Variants in TMTC2 observed in about 807,000 individuals in gnomAD.
TMTC2 encodes the protein transmembrane O-mannosyltransferase targeting cadherins 2, also known as protein O-mannosyl-transferase TMTC2.
A neutral mutation model predicts 82.4 loss-of-function variants in TMTC2; 43 were observed. The observed-to-expected ratio is 0.52, with a 90% CI of 0.41 to 0.67. TMTC2 has a LOEUF of 0.67. Ranked by LOEUF, TMTC2 falls within the 30% of genes least tolerant of loss-of-function variation. The pLI is 0.00. For synonymous variants in TMTC2, 408 were observed against 381.9 expected (o/e 1.07, Z -0.80); for missense variants, 919 against 1,012.4 (o/e 0.91, Z 1.25).
chr12:82,963,620 A>C (rs943100655), intron 4 of TMTC2, among the ~76,000 whole-genome samples: 1 of 150,412 alleles, frequency 6.6e-6, no homozygotes, highest in African/African-American at 2.4e-5. Context: ...CTTTTTAAAA[A>C]TTTTTTCATC....
intron 1 of TMTC2, among the ~76,000 whole-genome samples, chr12:82,795,529 C>T (rs76879091): frequency 0.019 from 2,927 of 151,980 alleles, 75 homozygotes; most frequent in African/African-American, 0.056. Context: ...TCCAAAATTC[C>T]GGTGTTAACA....
chr12:82,830,179 G>A lies in TMTC2; in HGVS notation c.84-26831G>A, dbSNP rs372476983. ...TTTGTTTGGATTTTAAATGTTAAAT[G>A]CAAAATTGGAAAATTTGAAATGGCA... On this transcript the variant is annotated intron_variant, in intron 1 of 11. Transcript: ENST00000321196. 6.8e-4 allele frequency among the ~76,000 whole-genome samples: 104 copies of A among 152,212 alleles called. 3 individuals are homozygous for A. The South Asian group carries it at 0.021, about 31-fold the overall frequency.
At chr12:82,924,582 G>C (rs760467149) in intron 3 of TMTC2, among the ~76,000 whole-genome samples, 4 of 152,120 alleles carry the variant, frequency 2.6e-5, no homozygotes, top group Non-Finnish European at 5.9e-5. Context: ...TTTTCATTTG[G>C]ATAAAAAGCA....
At chr12:82,818,607 G>A (rs890791162) in intron 1 of TMTC2, among the ~76,000 whole-genome samples, 1 of 152,078 alleles carries the variant, frequency 6.6e-6, no homozygotes, top group Non-Finnish European at 1.5e-5. Context: ...TTTGATTGTG[G>A]ACATGATGAA....
intron 1 of TMTC2, among the ~76,000 whole-genome samples, chr12:82,721,414 TTTTG>T (rs1456536927): frequency 2.0e-5 from 3 of 152,224 alleles, no homozygotes; most frequent in African/African-American, 7.2e-5. Context: ...GTTTTTTTAA[TTTTG>T]TTTTTTTCTT....
intron 2 of TMTC2, among the ~76,000 whole-genome samples, chr12:82,866,966 T>C (rs1871898477): frequency 6.6e-6 from 1 of 152,238 alleles, no homozygotes; most frequent in East Asian, 1.9e-4. Context: ...TAAGTTTTAT[T>C]TTATTTTAAA....
intron 1 of TMTC2, among the ~76,000 whole-genome samples, chr12:82,802,426 A>G (rs1879055405): frequency 6.6e-6 from 1 of 152,180 alleles, no homozygotes; most frequent in Admixed American, 6.5e-5. Context: ...GGGCTCCTCA[A>G]GTGCAACCAG....
intron 11 of TMTC2, among the ~76,000 whole-genome samples, chr12:83,118,831 C>T (rs1884854623): frequency 6.6e-6 from 1 of 152,086 alleles, no homozygotes; most frequent in African/African-American, 2.4e-5. Context: ...TTCAATCTCA[C>T]TGCTTGTTAT....
At chr12:82,906,103 A>C (rs1187339233) in intron 3 of TMTC2, among the ~76,000 whole-genome samples, 1 of 152,186 alleles carries the variant, frequency 6.6e-6, no homozygotes, top group African/African-American at 2.4e-5. Context: ...TGTTGTAGGA[A>C]TATCATTTAG....
At chr12:82,985,858 T>A in intron 7 of TMTC2, 67 bp from the exon 8 acceptor site, 1 of 1,563,718 alleles carries the variant, frequency 6.4e-7, no homozygotes, top group Non-Finnish European at 8.7e-7. Flanking sequence ...ATGATGATGA[T>A]GCTGTTGCAA....
Position 82,707,331 on chromosome 12 carries a change from C to T in TMTC2, c.83+19662C>T, listed in dbSNP as rs577677001. ...TTTCATTCAGATGACCTAATCACCTCCCAGATGCCTCACCTCCAAATACCA... is the reference window on the plus strand; with the variant it reads ...TTTCATTCAGATGACCTAATCACCTTCCAGATGCCTCACCTCCAAATACCA... On this transcript the variant is annotated intron_variant, in intron 1 of 11. Transcript: ENST00000321196. Among the ~76,000 whole-genome samples the T allele has an allele frequency of 9.1e-4, 138 of 152,300 alleles. 1 individual carries two copies. The highest frequency in any genetic ancestry group is 2.8e-3 in the African/African-American group (117 of 41,556).
chr12:82,941,729 A>G (rs1876731141), intron 4 of TMTC2, among the ~76,000 whole-genome samples: 1 of 152,032 alleles, frequency 6.6e-6, no homozygotes, highest in Admixed American at 6.6e-5. Flanking sequence ...ATACCTACTG[A>G]TGTGGGATAA....
At chr12:82,894,557 C>T (rs1053643931) in intron 2 of TMTC2, among the ~76,000 whole-genome samples, 27 of 152,240 alleles carry the variant, frequency 1.8e-4, no homozygotes, top group East Asian at 1.9e-4. Context: ...TTCTATACAA[C>T]GCCAGGATGT....
At chr12:82,755,579 A>T (rs1876265320) in intron 1 of TMTC2, among the ~76,000 whole-genome samples, 1 of 152,144 alleles carries the variant, frequency 6.6e-6, no homozygotes. Context: ...TGTTAGTGGT[A>T]GTTCTTTTGC....
intron 11 of TMTC2, among the ~76,000 whole-genome samples, chr12:83,075,079 C>G (rs186417065): frequency 1.5e-3 from 234 of 152,270 alleles, no homozygotes; most frequent in African/African-American, 5.5e-3. Flanking sequence ...CTGTATTTCA[C>G]TCAGCTCTCT....
In TMTC2 at chr12:82,895,984, T is replaced by TA; in HGVS notation, c.821_822insA (p.Phe274LeufsTer20). ...CTCCTCACCCGCACTCTCACCTTCT[T>TA]CTACTTGCCAACCAAGAACCTCTGG... On this transcript the variant is annotated frameshift_variant, in exon 3 of 12. Transcript: ENST00000321196. LOFTEE classifies it high-confidence loss of function. 6.2e-7 allele frequency: 1 copy of TA among 1,613,868 alleles called. No individual in the cohort carries two copies. Among genetic ancestry groups the TA allele is most frequent in the Non-Finnish European group, 8.5e-7 (1 of 1,179,998 alleles).
chr12:82,944,758 G>GA (rs1468505415), intron 4 of TMTC2, among the ~76,000 whole-genome samples: 1 of 151,866 alleles, frequency 6.6e-6, no homozygotes, highest in Admixed American at 6.6e-5. Context: ...GTCCCCATGG[G>GA]AAAAAAAGAT....
At chr12:83,072,631 T>A (rs559411908) in intron 11 of TMTC2, among the ~76,000 whole-genome samples, 1 of 152,314 alleles carries the variant, frequency 6.6e-6, no homozygotes, top group South Asian at 2.1e-4. Context: ...ACTATGTTAT[T>A]GTCTAATTTC....
rs555413574 is a variant in TMTC2 at position 82,872,887 on chromosome 12, C to T, written c.654+15307C>T. On this transcript the variant is annotated intron_variant, in intron 2 of 11. Coordinates refer to ENST00000321196, the MANE Select transcript of TMTC2 (RefSeq NM_152588.3). ...AAAATTACTATTCAAAGACAAAGTG[C>T]ATAAACCCTGCATTAAATAACACTC... is the stretch of plus-strand genomic sequence containing the variant. 3.9e-5 allele frequency among the ~76,000 whole-genome samples: 6 copies of T among 152,258 alleles called. No homozygotes were observed. The South Asian group carries it at 1.2e-3, about 32-fold the overall frequency.
Sources: allele counts gnomAD v4.1 joint callset (sites outside exome capture counted in the v4.1 genomes callset), GRCh38; gene constraint gnomAD v4.1.1; transcripts MANE v1.5; gene names NCBI Gene and HGNC (gene_info 2026-07-23, HGNC 2026-07-21).